The following ARHGAP24 variants were observed in gnomAD, a reference collection of about 807,000 sequenced individuals.
ARHGAP24 encodes the protein rho GTPase-activating protein 24.
In ARHGAP24, 50 loss-of-function variants were observed where a neutral mutation model predicts 76.4. The ratio of observed to expected loss-of-function variants is 0.65; its 90% CI spans 0.52 to 0.83. ARHGAP24 has a LOEUF of 0.83. Among genes scored for constraint, ARHGAP24 ranks in the 40% least tolerant of loss-of-function variants. The pLI, the probability that ARHGAP24 is intolerant of heterozygous loss-of-function variation, is 0.00. For missense variants in ARHGAP24, 930 were observed against 914.2 expected, an observed-to-expected ratio of 1.02 and a Z score of -0.22; for synonymous variants, 345 against 323.3, an observed-to-expected ratio of 1.07 and a Z score of -0.72.
chr4:85,635,090 T>C (rs1000167799), intron 2 of ARHGAP24, among the ~76,000 whole-genome samples: 2 of 151,918 alleles, frequency 1.3e-5, no homozygotes, highest in Non-Finnish European at 2.9e-5. Context: ...TTTTATTTCA[T>C]AAAGATTTTT....
chr4:85,925,345 A>T (rs1379865276), intron 4 of ARHGAP24, among the ~76,000 whole-genome samples: 1 of 152,234 alleles, frequency 6.6e-6, no homozygotes, highest in Non-Finnish European at 1.5e-5. Flanking sequence ...ATAGACTGTC[A>T]AAGTATCACA....
rs541196501 is a variant in ARHGAP24, at chr4:85,653,497, G to A, written c.181-68388G>A. Reference sequence around the variant, plus strand: ...TTAATTAATTTATTTATTTTGAGGAGGAGGCTCACTTTGTCACCCAGGCTG... The same window carrying A: ...TTAATTAATTTATTTATTTTGAGGAAGAGGCTCACTTTGTCACCCAGGCTG... On this transcript the variant is annotated intron_variant, in intron 2 of 9. Transcript: ENST00000395184. 3.6e-4 allele frequency among the ~76,000 whole-genome samples: 53 copies of A among 148,560 alleles called. 1 individual carries two copies. The highest frequency in any genetic ancestry group is 1.3e-3 in the African/African-American group (51 of 40,256).
At chr4:85,533,991 A>C (rs1725369154) in intron 1 of ARHGAP24, among the ~76,000 whole-genome samples, 1 of 152,212 alleles carries the variant, frequency 6.6e-6, no homozygotes, top group African/African-American at 2.4e-5. Context: ...GAATCTGCAC[A>C]TGAAAAGCTC....
chr4:85,572,646 C>T (rs1192933908), intron 2 of ARHGAP24, among the ~76,000 whole-genome samples: 1 of 151,950 alleles, frequency 6.6e-6, no homozygotes, highest in East Asian at 1.9e-4. Flanking sequence ...AGTATTTTTA[C>T]ATTAGCATGT....
chr4:85,583,006 A>G (rs1027722420), intron 2 of ARHGAP24, among the ~76,000 whole-genome samples: 3 of 151,902 alleles, frequency 2.0e-5, no homozygotes, highest in Admixed American at 6.6e-5. Flanking sequence ...TTCCCTGGGG[A>G]CTTACATTAT....
At chr4:85,738,391 A>G (rs954504162) in intron 3 of ARHGAP24, among the ~76,000 whole-genome samples, 2 of 146,608 alleles carry the variant, frequency 1.4e-5, no homozygotes, top group East Asian at 3.9e-4. Context: ...TATTATTATT[A>G]TTATTATTAT....
In ARHGAP24 at chr4:85,873,162, A is replaced by T. The variant is rs72970067; in HGVS notation, c.269-50486A>T. 9.8e-3 allele frequency among the ~76,000 whole-genome samples: 1,493 copies of T among 152,198 alleles called. 16 individuals are homozygous for T. The highest frequency in any genetic ancestry group is 0.035 in the East Asian group (182 of 5,162). On this transcript the variant is annotated intron_variant, in intron 3 of 9. Coordinates refer to ENST00000395184, the MANE Select transcript of ARHGAP24 (RefSeq NM_001025616.3). ...AATATGGACTTGCAAGTTAGAGCAG[A>T]TTTCTAATTCTGGCCCAGCTACTTG... is the stretch of plus-strand genomic sequence containing the variant.
intron 2 of ARHGAP24, among the ~76,000 whole-genome samples, chr4:85,648,582 C>G (rs552434423): frequency 3.6e-4 from 55 of 152,022 alleles, no homozygotes; most frequent in Admixed American, 4.6e-4. Flanking sequence ...CTAAAGCAAT[C>G]AAGTCAAAGA....
intron 3 of ARHGAP24, among the ~76,000 whole-genome samples, chr4:85,743,047 G>C (rs1393132863): frequency 6.6e-6 from 1 of 152,056 alleles, no homozygotes; most frequent in Admixed American, 6.5e-5. Context: ...AGGGACTCCA[G>C]ATCTCAGTTA....
intron 2 of ARHGAP24, among the ~76,000 whole-genome samples, chr4:85,655,060 A>AT (rs1409320565): frequency 2.0e-5 from 3 of 152,132 alleles, no homozygotes; most frequent in Admixed American, 6.5e-5. Context: ...TCCTTAGAAT[A>AT]TTTTTTGTAT....
intron 1 of ARHGAP24, among the ~76,000 whole-genome samples, chr4:85,536,650 AG>A (rs1397761908): frequency 5.9e-5 from 9 of 152,140 alleles, no homozygotes; most frequent in Admixed American, 2.0e-4. Flanking sequence ...CAAAAATTAC[AG>A]GGATTTTGCT....
intron 4 of ARHGAP24, among the ~76,000 whole-genome samples, chr4:85,925,810 G>A (rs1735990354): frequency 6.6e-6 from 1 of 152,058 alleles, no homozygotes; most frequent in Non-Finnish European, 1.5e-5. Context: ...TACTCATCTG[G>A]TAATGTTTGC....
chr4:85,745,921 C>T (rs1726016633), intron 3 of ARHGAP24, among the ~76,000 whole-genome samples: 1 of 152,156 alleles, frequency 6.6e-6, no homozygotes, highest in Non-Finnish European at 1.5e-5. Context: ...ATTCCAAAAC[C>T]CAGTGCCTTC....
intron 2 of ARHGAP24, among the ~76,000 whole-genome samples, chr4:85,626,221 TCC>T (rs772207496): frequency 3.8e-4 from 58 of 152,226 alleles, no homozygotes; most frequent in Admixed American, 1.6e-3. Flanking sequence ...GTTTTTCCTT[TCC>T]ATGTTTAGTG....
intron 4 of ARHGAP24, among the ~76,000 whole-genome samples, chr4:85,935,965 T>C (rs1736609127): frequency 6.6e-6 from 1 of 152,208 alleles, no homozygotes; most frequent in African/African-American, 2.4e-5. Context: ...CTATATAATA[T>C]TTTGTGGCTA....
At chr4:85,951,570 C>T (rs1737618510) in intron 5 of ARHGAP24, among the ~76,000 whole-genome samples, 1 of 152,074 alleles carries the variant, frequency 6.6e-6, no homozygotes, top group Non-Finnish European at 1.5e-5. Flanking sequence ...GCTTTTGAAG[C>T]TATGGATCCG....
intron 1 of ARHGAP24, among the ~76,000 whole-genome samples, chr4:85,481,032 G>GT (rs917091764): frequency 1.1e-4 from 17 of 152,024 alleles, no homozygotes; most frequent in Admixed American, 2.0e-4. Context: ...TTTGTCTTGA[G>GT]TTTTTTTCCC....
chr4:85,524,937 G>A (rs1449587641), intron 1 of ARHGAP24, among the ~76,000 whole-genome samples: 1 of 152,170 alleles, frequency 6.6e-6, no homozygotes, highest in Non-Finnish European at 1.5e-5. Flanking sequence ...GGAGGGGAAA[G>A]CTAGGAGATG....
At chr4:85,898,031 GTGTATATATATA>G (rs1560704093) in intron 3 of ARHGAP24, among the ~76,000 whole-genome samples, 5 of 79,572 alleles carry the variant, frequency 6.3e-5, no homozygotes, top group African/African-American at 1.6e-4. Context: ...ACACATATAT[GTGTATATATATA>G]TATATATATA....
Sources: allele counts gnomAD v4.1 joint callset (sites outside exome capture counted in the v4.1 genomes callset), GRCh38; gene constraint gnomAD v4.1.1; transcripts MANE v1.5; gene names NCBI Gene and HGNC (gene_info 2026-07-23, HGNC 2026-07-21).